Variants in AKAP10 observed in about 807,000 individuals in gnomAD.
AKAP10 encodes the protein A-kinase anchoring protein 10, also known as A-kinase anchor protein 10, mitochondrial.
In AKAP10, 24 loss-of-function variants were observed where a neutral mutation model predicts 80.8. The observed-to-expected ratio is 0.30, with a 90% CI of 0.22 to 0.42. The LOEUF (loss-of-function observed/expected upper bound fraction) is 0.42, where lower values mean the gene tolerates loss of function less well. Among genes scored for constraint, AKAP10 ranks in the 10% least tolerant of loss-of-function variants. The probability of loss-of-function intolerance (pLI) is 1.00; values close to 1 mark genes in which losing one functional copy is unlikely to be tolerated. For synonymous variants in AKAP10, 291 were observed against 277.7 expected (o/e 1.05, Z -0.48); for missense variants, 661 against 794.9 (o/e 0.83, Z 2.03).
intron 10 of AKAP10, among the ~76,000 whole-genome samples, chr17:19,931,296 TAA>T (rs2042929674): frequency 6.6e-6 from 1 of 151,968 alleles, no homozygotes; most frequent in Admixed American, 6.6e-5. Flanking sequence ...AATAATGGCC[TAA>T]ATGAAACAGC....
intron 9 of AKAP10, among the ~76,000 whole-genome samples, chr17:19,934,298 AG>A (rs2042969363): frequency 6.6e-6 from 1 of 152,160 alleles, no homozygotes; most frequent in African/African-American, 2.4e-5. Context: ...TCCTGTTGAC[AG>A]TTACTGGTGA....
In AKAP10 at chr17:19,946,235, T is replaced by C. The variant is rs868753910; in HGVS notation, c.976+1172A>G. 9.1e-4 allele frequency among the ~76,000 whole-genome samples: 16 copies of C among 17,630 alleles called. No individual in the cohort carries two copies. In the South Asian group the frequency reaches 0.029, roughly 32 times the overall value. The allele number at this position is 17,630 out of a possible 152,430, so 11.6% of individuals were successfully genotyped here. On this transcript the variant is annotated intron_variant, in intron 5 of 14. Transcript: ENST00000225737. ...TATATATATATTTTATATATATATATATTATATATATATATATATATATAT... is the reference window on the plus strand; with the variant it reads ...TATATATATATTTTATATATATATACATTATATATATATATATATATATAT...
chr17:19,911,495 A>G (rs911818268), intron 12 of AKAP10, among the ~76,000 whole-genome samples: 1 of 151,948 alleles, frequency 6.6e-6, no homozygotes, highest in Non-Finnish European at 1.5e-5. Flanking sequence ...CCCACCTCCA[A>G]TTCATTCTCA....
chr17:19,955,717 C>T (rs1187726115), intron 4 of AKAP10, among the ~76,000 whole-genome samples: 1 of 152,048 alleles, frequency 6.6e-6, no homozygotes, highest in African/African-American at 2.4e-5. Flanking sequence ...CACCTGTAAT[C>T]CCAGCTACTC....
intron 4 of AKAP10, among the ~76,000 whole-genome samples, chr17:19,953,827 T>C (rs1193314092): frequency 6.6e-6 from 1 of 152,064 alleles, no homozygotes; most frequent in African/African-American, 2.4e-5. Context: ...AGGTCACAAG[T>C]TCGAGACCAG....
At chr17:19,968,366 A>G in intron 2 of AKAP10, 48 bp downstream of exon 2, 1 of 1,490,512 alleles carries the variant, frequency 6.7e-7, no homozygotes. Context: ...TCACAAATGC[A>G]AAGCACATCA....
chr17:19,946,223 TATATATATATATATTATATATATATA>T (rs2043109943), intron 5 of AKAP10, among the ~76,000 whole-genome samples: 2 of 13,418 alleles, frequency 1.5e-4, no homozygotes, highest in Non-Finnish European at 2.8e-4. Context: ...ATATATATTT[TATATATATATATATTATATATATATA>T]TATATATATA....
intron 4 of AKAP10, among the ~76,000 whole-genome samples, chr17:19,955,186 C>A (rs1030357476): frequency 2.0e-5 from 3 of 151,444 alleles, no homozygotes; most frequent in African/African-American, 7.3e-5. Flanking sequence ...TGCCTCACTG[C>A]ACTCCAGCTC....
At chr17:19,939,249 G>A (rs1020805581) in intron 8 of AKAP10, among the ~76,000 whole-genome samples, 6 of 152,080 alleles carry the variant, frequency 3.9e-5, no homozygotes, top group Non-Finnish European at 8.8e-5. Flanking sequence ...CCCATAAATA[G>A]GCATTCAAGG....
intron 3 of AKAP10, among the ~76,000 whole-genome samples, chr17:19,960,486 A>G (rs538339882): frequency 6.6e-6 from 1 of 152,352 alleles, no homozygotes; most frequent in African/African-American, 2.4e-5. Context: ...GTCTGACAGC[A>G]TAATTCCCTT....
At chr17:19,912,266 T>C (rs1246018105) in intron 12 of AKAP10, among the ~76,000 whole-genome samples, 1 of 151,984 alleles carries the variant, frequency 6.6e-6, no homozygotes, top group African/African-American at 2.4e-5. Context: ...AATACAAAAA[T>C]AGGCGTGTGC....
Position 19,936,354 on chromosome 17 carries a change from T to G in AKAP10, c.1399A>C (p.Arg467=), listed in dbSNP as rs1251615212. ...VRLEIESNIC[R]EGGPLPNCFT... ...CAGTTGGGGAGTGGCCCACCTTCCC[T>G]GCAGATATTGGATTCAATTTCTAAT... The change falls in exon 9 of 15, where the codon AGG becomes CGG. Residue 467 remains arginine, a synonymous_variant. Coordinates refer to ENST00000225737, the MANE Select transcript of AKAP10 (RefSeq NM_007202.4). 1 of 1,613,848 alleles carries G rather than the reference T, an allele frequency of 6.2e-7. No homozygotes were observed. The highest frequency in any genetic ancestry group is 1.3e-5 in the African/African-American group (1 of 75,058).
At chr17:19,923,818 G>A (rs1368671804) in intron 11 of AKAP10, among the ~76,000 whole-genome samples, 3 of 152,260 alleles carry the variant, frequency 2.0e-5, no homozygotes, top group East Asian at 1.9e-4. Context: ...GAGCCACTGC[G>A]CCTGGCCTAC....
intron 2 of AKAP10, among the ~76,000 whole-genome samples, chr17:19,967,249 C>G (rs573331337): frequency 6.6e-6 from 1 of 152,168 alleles, no homozygotes; most frequent in Non-Finnish European, 1.5e-5. Context: ...AATACAGCAT[C>G]TTTAAAAAGC....
intron 10 of AKAP10, among the ~76,000 whole-genome samples, chr17:19,929,999 C>CAAAAAAAAAAAAAAAAAAAACA (rs2042915680): frequency 6.1e-5 from 5 of 81,836 alleles, no homozygotes; most frequent in East Asian, 5.5e-4. Context: ...CAACAAAAAC[C>CAAAAAAAAAAAAAAAAAAAACA]AAAAAAAAAA....
At chr17:19,970,676 A>G (rs2043484007) in intron 1 of AKAP10, among the ~76,000 whole-genome samples, 1 of 152,156 alleles carries the variant, frequency 6.6e-6, no homozygotes, top group Non-Finnish European at 1.5e-5. Flanking sequence ...CACAAGAATT[A>G]GCAGGGTGTG....
chr17:19,945,402 G>C (rs763943282), intron 5 of AKAP10, among the ~76,000 whole-genome samples: 1 of 152,142 alleles, frequency 6.6e-6, no homozygotes, highest in African/African-American at 2.4e-5. Context: ...CATCCCTGTT[G>C]TATTACTAGG....
intron 11 of AKAP10, among the ~76,000 whole-genome samples, chr17:19,920,936 T>C (rs1010959097): frequency 1.4e-5 from 2 of 146,760 alleles, no homozygotes; most frequent in African/African-American, 5.0e-5. Context: ...AACCAATGAT[T>C]AGTATCGAGA....
chr17:19,919,051 T>TA (rs2042781851), intron 12 of AKAP10, among the ~76,000 whole-genome samples: 1 of 152,054 alleles, frequency 6.6e-6, no homozygotes. Context: ...ATATTAGGTA[T>TA]ATCTCCTAAT....
Sources: gnomAD v4.1 joint callset for allele counts (sites outside exome capture counted in the v4.1 genomes callset) on GRCh38, gnomAD v4.1.1 for gene constraint, MANE v1.5 for transcripts, NCBI Gene and HGNC (gene_info 2026-07-23, HGNC 2026-07-21) for gene names.